Variants in LRRIQ3 observed in about 807,000 individuals in gnomAD.
LRRIQ3 encodes leucine-rich repeat and IQ domain-containing protein 3.
In LRRIQ3, 75 loss-of-function variants were observed where a neutral mutation model predicts 59.3. The ratio of observed to expected loss-of-function variants is 1.26; its 90% CI spans 1.05 to 1.53. The LOEUF is 1.53. Among genes scored for constraint, LRRIQ3 ranks in the 40% most tolerant of loss-of-function variants. LRRIQ3 has a pLI of 0.00. For missense variants in LRRIQ3, 831 were observed against 710.0 expected (o/e 1.17, Z -1.94); for synonymous variants, 250 against 231.3 (o/e 1.08, Z -0.73).
intron 6 of LRRIQ3, among the ~76,000 whole-genome samples, chr1:74,073,328 A>G (rs1655078621): frequency 6.6e-6 from 1 of 152,106 alleles, no homozygotes; most frequent in South Asian, 2.1e-4. Context: ...CCTGGGCAAC[A>G]TGGTGAAACT....
intron 4 of LRRIQ3, among the ~76,000 whole-genome samples, chr1:74,123,357 C>A (rs1461124151): frequency 6.6e-6 from 1 of 151,944 alleles, no homozygotes; most frequent in Non-Finnish European, 1.5e-5. Context: ...TTATTCTTAA[C>A]TATAGTCACT....
chr1:74,114,182 A>T (rs1261381870), intron 4 of LRRIQ3, among the ~76,000 whole-genome samples: 1 of 152,032 alleles, frequency 6.6e-6, no homozygotes, highest in Non-Finnish European at 1.5e-5. Flanking sequence ...AGAACTAAAA[A>T]TGATAAATAG....
chr1:74,121,241 A>G (rs1050514776), intron 4 of LRRIQ3, among the ~76,000 whole-genome samples: 1 of 152,110 alleles, frequency 6.6e-6, no homozygotes, highest in Non-Finnish European at 1.5e-5. Context: ...GTCCATTTTG[A>G]TGGTTTGTAT....
At chr1:74,135,983 G>A (rs1647116492) in intron 4 of LRRIQ3, among the ~76,000 whole-genome samples, 1 of 151,520 alleles carries the variant, frequency 6.6e-6, no homozygotes, top group Non-Finnish European at 1.5e-5. Flanking sequence ...CAACAAAATG[G>A]CAAACCTCTA....
At chr1:74,150,774 C>T (rs1251004833) in intron 4 of LRRIQ3, among the ~76,000 whole-genome samples, 1 of 152,014 alleles carries the variant, frequency 6.6e-6, no homozygotes, top group East Asian at 1.9e-4. Context: ...ATCTATTTTA[C>T]TTACAGAAAA....
intron 5 of LRRIQ3, chr1:74,082,822 T>C (rs1350612600): frequency 2.6e-5 from 4 of 151,650 alleles, no homozygotes; most frequent in Non-Finnish European, 4.4e-5. Flanking sequence ...TAAACACATA[T>C]TGATAAATTA....
chr1:74,121,113 C>T (rs1231267166), intron 4 of LRRIQ3, among the ~76,000 whole-genome samples: 2 of 152,020 alleles, frequency 1.3e-5, no homozygotes, highest in African/African-American at 4.8e-5. Context: ...TAGTCTTGTT[C>T]ATTAAAGATT....
intron 3 of LRRIQ3, among the ~76,000 whole-genome samples, chr1:74,159,302 T>C (rs180779248): frequency 6.6e-6 from 1 of 152,286 alleles, no homozygotes; most frequent in East Asian, 1.9e-4. Context: ...AATGCAATCA[T>C]TGGTGTATCT....
intron 5 of LRRIQ3, among the ~76,000 whole-genome samples, chr1:74,104,688 C>T (rs1018388984): frequency 1.3e-5 from 2 of 151,884 alleles, no homozygotes; most frequent in Admixed American, 1.3e-4. Context: ...GAAGGATTGG[C>T]AGAGTACAAA....
intron 6 of LRRIQ3, among the ~76,000 whole-genome samples, chr1:74,060,194 CTTCTTCTTCTTCTTCTTCTTCTTCTTG>C (rs773386974): frequency 0.081 from 4,235 of 52,196 alleles, 81 homozygotes; most frequent in South Asian, 0.18. Context: ...TCTTTTTCTT[CTTCTTCTTCTTCTTCTTCTTCTTCTTG>C]TTCTTCTTCT....
rs71078186 is a variant in LRRIQ3 at position 74,154,240 on chromosome 1, C to CAAAAAAAAA, written c.707+1484_707+1492dup. Among the ~76,000 whole-genome samples, 98 of 57,278 alleles carry CAAAAAAAAA rather than the reference C, an allele frequency of 1.7e-3. 10 individuals carry two copies. The highest frequency in any genetic ancestry group is 3.6e-3 in the African/African-American group (50 of 13,730). 37.6% of individuals were successfully genotyped at this position (57,278 alleles called of 152,430 possible). A position where few individuals can be genotyped will look rare whatever the true frequency, so the allele number is the denominator to read the frequency against. On this transcript the variant is annotated intron_variant, in intron 4 of 7. Coordinates refer to ENST00000354431, the MANE Select transcript of LRRIQ3 (RefSeq NM_001105659.2). ...TGGGCGACAGAGCGAGACTCCTTCT[C>CAAAAAAAAA]AAAAAAAAAAAAAAAAAAAAAAAAA...
chr1:74,045,671 G>A (rs1553161961), intron 6 of LRRIQ3, among the ~76,000 whole-genome samples: 1 of 152,144 alleles, frequency 6.6e-6, no homozygotes, highest in Non-Finnish European at 1.5e-5. Flanking sequence ...AAGTCAAATT[G>A]TCTCTGTTTG....
At chr1:74,153,170 T>C (rs1648095450) in intron 4 of LRRIQ3, among the ~76,000 whole-genome samples, 2 of 152,138 alleles carry the variant, frequency 1.3e-5, no homozygotes. Flanking sequence ...TGCCTTTACG[T>C]AGGTTTAGGA....
intron 1 of LRRIQ3, among the ~76,000 whole-genome samples, chr1:74,191,082 G>A (rs558126502): frequency 6.6e-6 from 1 of 152,142 alleles, no homozygotes; most frequent in African/African-American, 2.4e-5. Flanking sequence ...GTCTTTATCA[G>A]CAGCATGAAA....
intron 4 of LRRIQ3, among the ~76,000 whole-genome samples, chr1:74,128,704 T>C (rs541616522): frequency 6.6e-6 from 1 of 152,202 alleles, no homozygotes; most frequent in East Asian, 1.9e-4. Context: ...TTTATTGGAC[T>C]CTTTGCAGTC....
At chr1:74,106,191 A>C (rs1413432811) in intron 5 of LRRIQ3, among the ~76,000 whole-genome samples, 1 of 152,016 alleles carries the variant, frequency 6.6e-6, no homozygotes, top group Non-Finnish European at 1.5e-5. Context: ...TAGGAAGTGG[A>C]CTGTCAAAAA....
At position 74,198,004 on chromosome 1, in the gene LRRIQ3, C is replaced by A; in HGVS notation, c.-9G>T. 1 of 556,464 alleles carries A rather than the reference C, an allele frequency of 1.8e-6. No homozygotes were observed. The highest frequency in any genetic ancestry group is 3.0e-6 in the Non-Finnish European group (1 of 331,640). The allele number at this position is 556,464 out of a possible 1,614,324, so 34.5% of individuals were successfully genotyped here. On this transcript the variant is annotated 5_prime_UTR_variant, in exon 1 of 8. Transcript: ENST00000354431. ...CAAACTGAACCACTCACCGGGTCAACTGGGCTGCAAGCCCTTATGAGTTGG... is the reference window on the plus strand; with the variant it reads ...CAAACTGAACCACTCACCGGGTCAAATGGGCTGCAAGCCCTTATGAGTTGG...
At chr1:74,191,815 T>A (rs980716490) in intron 1 of LRRIQ3, among the ~76,000 whole-genome samples, 6 of 152,132 alleles carry the variant, frequency 3.9e-5, no homozygotes, top group Admixed American at 3.3e-4. Context: ...ACTGAATACA[T>A]ATATTAGAAA....
At chr1:74,055,631 T>C (rs1570039355) in intron 6 of LRRIQ3, among the ~76,000 whole-genome samples, 1 of 152,182 alleles carries the variant, frequency 6.6e-6, no homozygotes, top group Non-Finnish European at 1.5e-5. Context: ...TTGATTTTTT[T>C]ATTTGTTTCC....
Sources: allele counts gnomAD v4.1 joint callset (sites outside exome capture counted in the v4.1 genomes callset), GRCh38; gene constraint gnomAD v4.1.1; transcripts MANE v1.5; gene names NCBI Gene and HGNC (gene_info 2026-07-23, HGNC 2026-07-21).